The following KCNT2 variants were observed in gnomAD, a reference collection of about 807,000 sequenced individuals.
KCNT2 encodes potassium channel subfamily T member 2.
Under a neutral mutation model 153.8 loss-of-function variants are expected in KCNT2, and 67 were observed. That is an observed-to-expected ratio of 0.44 (90% CI 0.36 to 0.53). The LOEUF (loss-of-function observed/expected upper bound fraction) is 0.53. Ranked by LOEUF, KCNT2 falls within the 20% of genes least tolerant of loss-of-function variation. The pLI is 0.00. For missense variants in KCNT2, 975 were observed against 1,354.8 expected, an observed-to-expected ratio of 0.72 and a Z score of 4.40; for synonymous variants, 500 against 458.8, an observed-to-expected ratio of 1.09 and a Z score of -1.15.
At chr1:196,602,382 A>G (rs1030472480) in intron 1 of KCNT2, among the ~76,000 whole-genome samples, 12 of 152,244 alleles carry the variant, frequency 7.9e-5, no homozygotes, top group East Asian at 7.7e-4. Flanking sequence ...TGAACCATCA[A>G]TGACAAAAGG....
chr1:196,242,122 G>A (rs533640582), intron 26 of KCNT2, among the ~76,000 whole-genome samples: 1 of 152,162 alleles, frequency 6.6e-6, no homozygotes, highest in South Asian at 2.1e-4. Flanking sequence ...ATCAATAAAT[G>A]CTAGTTTCTT....
At chr1:196,403,758 T>C (rs1359611920) in intron 12 of KCNT2, among the ~76,000 whole-genome samples, 1 of 151,596 alleles carries the variant, frequency 6.6e-6, no homozygotes, top group Non-Finnish European at 1.5e-5. Flanking sequence ...AGTTTATTTT[T>C]TTAAAAAGTA....
intron 21 of KCNT2, among the ~76,000 whole-genome samples, chr1:196,306,316 C>T (rs1473197854): frequency 6.6e-6 from 1 of 152,052 alleles, no homozygotes; most frequent in African/African-American, 2.4e-5. Flanking sequence ...TATAAACAGC[C>T]TGTTTGTGTG....
At chr1:196,266,513 A>G (rs1657556612) in intron 25 of KCNT2, among the ~76,000 whole-genome samples, 2 of 152,320 alleles carry the variant, frequency 1.3e-5, no homozygotes, top group Middle Eastern at 3.4e-3. Context: ...CCAATTAATG[A>G]CAAATTAAAG....
intron 12 of KCNT2, among the ~76,000 whole-genome samples, chr1:196,419,163 T>C (rs759501786): frequency 6.6e-6 from 1 of 151,608 alleles, no homozygotes; most frequent in Non-Finnish European, 1.5e-5. Context: ...TTTTAATTTT[T>C]AATTTTTTTT....
At chr1:196,344,364 C>T (rs1226288349) in intron 14 of KCNT2, among the ~76,000 whole-genome samples, 2 of 152,042 alleles carry the variant, frequency 1.3e-5, no homozygotes, top group Admixed American at 6.6e-5. Flanking sequence ...ATAATGTTAA[C>T]GTATTTTTGG....
chr1:196,272,807 T>A (rs1293853079), intron 25 of KCNT2, among the ~76,000 whole-genome samples: 3 of 151,890 alleles, frequency 2.0e-5, no homozygotes, highest in Non-Finnish European at 4.4e-5. Flanking sequence ...AAGAGTAGGA[T>A]GGTGGTTACC....
At chr1:196,441,310 C>A (rs1675202525) in intron 8 of KCNT2, among the ~76,000 whole-genome samples, 1 of 151,206 alleles carries the variant, frequency 6.6e-6, no homozygotes. Flanking sequence ...TTTCAGATTA[C>A]CCTTAAAAAT....
intron 8 of KCNT2, among the ~76,000 whole-genome samples, chr1:196,439,438 A>G (rs749244074): frequency 3.3e-5 from 5 of 152,004 alleles, no homozygotes; most frequent in Non-Finnish European, 7.4e-5. Context: ...CCAGAATTAT[A>G]TGAATAGAAG....
At chr1:196,285,929 C>T (rs570072575) in intron 22 of KCNT2, among the ~76,000 whole-genome samples, 171 bp from the exon 23 acceptor site, 8 of 152,162 alleles carry the variant, frequency 5.3e-5, no homozygotes, top group Non-Finnish European at 1.0e-4. Context: ...TTTCGTTTTG[C>T]TAACCACATT....
intron 22 of KCNT2, among the ~76,000 whole-genome samples, chr1:196,292,664 G>A (rs900875684): frequency 3.9e-5 from 6 of 151,940 alleles, no homozygotes; most frequent in Admixed American, 1.3e-4. Context: ...AAAATTAGCC[G>A]GGCGCCTTGG....
chr1:196,497,472 A>T (rs1680345839), intron 1 of KCNT2, among the ~76,000 whole-genome samples: 1 of 152,124 alleles, frequency 6.6e-6, no homozygotes, highest in African/African-American at 2.4e-5. Flanking sequence ...AGTAATCTAG[A>T]GATAATGTAA....
At chr1:196,349,157 A>G (rs887154445) in intron 14 of KCNT2, among the ~76,000 whole-genome samples, 7 of 152,304 alleles carry the variant, frequency 4.6e-5, no homozygotes, top group Middle Eastern at 3.4e-3. Flanking sequence ...GAAAAAAATT[A>G]AAAGGAAAGG....
In KCNT2 at chr1:196,373,187, TG is replaced by T; in HGVS notation, c.1355del (p.Pro452GlnfsTer72). On this transcript the variant is annotated frameshift_variant, in exon 14 of 28. Coordinates refer to ENST00000294725, the MANE Select transcript of KCNT2 (RefSeq NM_198503.5). LOFTEE classifies it high-confidence loss of function. ...GTAGTGTAATAAGTGTAGATGTTGC[TG>T]GGCATATACAGTTTAAAGCTAACAT... is the stretch of plus-strand genomic sequence containing the variant. ...YAMLALNCICPATSTLITLLV... is the reference protein window; with the variant it reads ...YAMLALNCICXATSTLITLLV... 6.3e-7 allele frequency: 1 copy of T among 1,591,140 alleles called. No individual in the cohort carries two copies. The highest frequency in any genetic ancestry group is 8.6e-7 in the Non-Finnish European group (1 of 1,159,920).
chr1:196,483,676 C>G (rs993568328), intron 3 of KCNT2, among the ~76,000 whole-genome samples: 1 of 152,130 alleles, frequency 6.6e-6, no homozygotes, highest in East Asian at 1.9e-4. Context: ...ACTTGATCAA[C>G]TTTGTCAACT....
At chr1:196,570,100 T>TAAAAAAAAAAAAAAAAAAAAAA (rs1553256605) in intron 1 of KCNT2, among the ~76,000 whole-genome samples, 14 of 129,534 alleles carry the variant, frequency 1.1e-4, no homozygotes, top group African/African-American at 5.1e-4. Context: ...AAAAAAAAAT[T>TAAAAAAAAAAAAAAAAAAAAAA]AAAGGCCTTT....
chr1:196,561,884 C>T (rs1375251527), intron 1 of KCNT2, among the ~76,000 whole-genome samples: 1 of 151,626 alleles, frequency 6.6e-6, no homozygotes, highest in Non-Finnish European at 1.5e-5. Flanking sequence ...GAGGAGTCTC[C>T]AGGTCATAGA....
intron 1 of KCNT2, among the ~76,000 whole-genome samples, chr1:196,581,169 G>A (rs1661994015): frequency 6.6e-6 from 1 of 151,846 alleles, no homozygotes. Context: ...TACCACATAG[G>A]CTTAGAATAA....
At chr1:196,353,368 C>A (rs964634225) in intron 14 of KCNT2, among the ~76,000 whole-genome samples, 1 of 151,876 alleles carries the variant, frequency 6.6e-6, no homozygotes. Flanking sequence ...CTCCGATCAT[C>A]TCTTTTTATA....
Sources: gnomAD v4.1 joint callset for allele counts (sites outside exome capture counted in the v4.1 genomes callset) on GRCh38, gnomAD v4.1.1 for gene constraint, MANE v1.5 for transcripts, NCBI Gene and HGNC (gene_info 2026-07-23, HGNC 2026-07-21) for gene names.